PDE7B: variants seen among roughly 807,000 people sequenced by gnomAD.
PDE7B encodes the protein 3',5'-cyclic-AMP phosphodiesterase 7B.
Under a neutral mutation model 56.2 loss-of-function variants are expected in PDE7B, and 29 were observed. The observed-to-expected ratio is 0.52, with a 90% CI of 0.38 to 0.70. PDE7B has a LOEUF of 0.70. Among genes scored for constraint, PDE7B ranks in the 30% least tolerant of loss-of-function variants. The pLI, the probability that PDE7B is intolerant of heterozygous loss-of-function variation, is 0.00. For synonymous variants in PDE7B, 197 were observed against 196.9 expected (o/e 1.00, Z 0.00); for missense variants, 490 against 565.0 (o/e 0.87, Z 1.35).
chr6:136,145,060 C>T (rs1778391712), intron 3 of PDE7B, among the ~76,000 whole-genome samples: 5 of 152,122 alleles, frequency 3.3e-5, no homozygotes, highest in Admixed American at 3.3e-4. Flanking sequence ...TTTTAGTATC[C>T]ATTAATGATT....
At chr6:136,139,121 C>A (rs1333396660) in intron 3 of PDE7B, among the ~76,000 whole-genome samples, 1 of 152,114 alleles carries the variant, frequency 6.6e-6, no homozygotes, top group Non-Finnish European at 1.5e-5. Flanking sequence ...CCTCCCCCTT[C>A]CCCCGACGCC....
intron 2 of PDE7B, among the ~76,000 whole-genome samples, chr6:135,966,452 A>C (rs117268506): frequency 6.6e-6 from 1 of 152,308 alleles, no homozygotes; most frequent in Non-Finnish European, 1.5e-5. Flanking sequence ...ATGCTAGCAG[A>C]GTTAAGCAGG....
chr6:135,985,211 GA>G (rs372456309), intron 2 of PDE7B, among the ~76,000 whole-genome samples: 67 of 152,138 alleles, frequency 4.4e-4, no homozygotes, highest in Admixed American at 8.5e-4. Flanking sequence ...AAATGCCACT[GA>G]GGGAAAAAAA....
chr6:136,020,083 A>G (rs1302657355), intron 2 of PDE7B, among the ~76,000 whole-genome samples: 1 of 152,166 alleles, frequency 6.6e-6, no homozygotes, highest in Non-Finnish European at 1.5e-5. Flanking sequence ...AGGCATAACA[A>G]TATCACTTCA....
At chr6:136,080,961 C>A (rs985921696) in intron 2 of PDE7B, among the ~76,000 whole-genome samples, 1 of 152,198 alleles carries the variant, frequency 6.6e-6, no homozygotes, top group African/African-American at 2.4e-5. Flanking sequence ...AGTCTTGAAA[C>A]ATAGCTCTAA....
At chr6:136,183,072 CA>C (rs869296450) in intron 11 of PDE7B, among the ~76,000 whole-genome samples, 898 of 50,518 alleles carry the variant, frequency 0.018, 3 homozygotes, top group African/African-American at 0.037. Flanking sequence ...ACTCCGTCTC[CA>C]AAAAAAAAAA....
At chr6:136,000,090 G>A (rs1004779095) in intron 2 of PDE7B, among the ~76,000 whole-genome samples, 1 of 152,098 alleles carries the variant, frequency 6.6e-6, no homozygotes, top group African/African-American at 2.4e-5. Context: ...TAATGAAGTT[G>A]TTTGTTGTTG....
chr6:135,934,596 G>C (rs1486640742), intron 1 of PDE7B, among the ~76,000 whole-genome samples: 1 of 149,696 alleles, frequency 6.7e-6, no homozygotes, highest in African/African-American at 2.5e-5. Context: ...TGGGCATGGT[G>C]GTGGGTGCCT....
intron 1 of PDE7B, among the ~76,000 whole-genome samples, chr6:135,929,309 T>C (rs1372850142): frequency 6.6e-6 from 1 of 152,138 alleles, no homozygotes; most frequent in Non-Finnish European, 1.5e-5. Flanking sequence ...GTACGGGACA[T>C]GCAAAATAAA....
intron 2 of PDE7B, among the ~76,000 whole-genome samples, chr6:135,959,231 T>C (rs933535369): frequency 1.3e-5 from 2 of 152,160 alleles, no homozygotes; most frequent in African/African-American, 4.8e-5. Context: ...GGATATAGAA[T>C]TCCATGAAGT....
chr6:135,851,810 G>A lies in PDE7B; in HGVS notation c.-189G>A, dbSNP rs1001158743. 7 of 565,380 alleles carry A rather than the reference G, an allele frequency of 1.2e-5. No individual in the cohort carries two copies. Among genetic ancestry groups the A allele is most frequent in the Admixed American group, 3.1e-5 (1 of 32,348 alleles). 35.0% of individuals were successfully genotyped at this position (565,380 alleles called of 1,614,324 possible). ...TCTCTTTCTACCTTCCTTCTTTCTC[G>A]ATCTCCTTGTGTGCTTTTGTGTTTC... On this transcript the variant is annotated 5_prime_UTR_variant, in exon 1 of 13. Coordinates refer to ENST00000308191, the MANE Select transcript of PDE7B (RefSeq NM_018945.4).
At chr6:136,040,786 C>G (rs979913347) in intron 2 of PDE7B, among the ~76,000 whole-genome samples, 2 of 152,118 alleles carry the variant, frequency 1.3e-5, no homozygotes, top group African/African-American at 4.8e-5. Flanking sequence ...ATCAGGTGAG[C>G]CTTGCTTTAT....
intron 2 of PDE7B, among the ~76,000 whole-genome samples, chr6:136,106,873 T>G (rs1338327754): frequency 2.6e-5 from 4 of 152,202 alleles, no homozygotes; most frequent in Admixed American, 1.3e-4. Context: ...TTTTTAAAGC[T>G]AACAGCTTTA....
chr6:135,877,248 C>CT (rs1318510396), intron 1 of PDE7B, among the ~76,000 whole-genome samples: 1 of 150,956 alleles, frequency 6.6e-6, no homozygotes, highest in African/African-American at 2.4e-5. Flanking sequence ...GATTTCCTTT[C>CT]TTTTTTATTT....
chr6:136,183,082 A>G (rs1404465297), intron 11 of PDE7B, among the ~76,000 whole-genome samples: 1 of 151,872 alleles, frequency 6.6e-6, no homozygotes, highest in Non-Finnish European at 1.5e-5. Flanking sequence ...CAAAAAAAAA[A>G]AAAAAAAAAC....
At chr6:135,926,141 C>T (rs934760479) in intron 1 of PDE7B, among the ~76,000 whole-genome samples, 3 of 133,198 alleles carry the variant, frequency 2.3e-5, no homozygotes, top group Middle Eastern at 4.7e-3. Flanking sequence ...GGCTGCAGTG[C>T]AGTGGCGCAA....
intron 1 of PDE7B, among the ~76,000 whole-genome samples, chr6:135,877,421 G>A (rs1365787721): frequency 6.8e-6 from 1 of 146,982 alleles, no homozygotes; most frequent in African/African-American, 2.5e-5. Context: ...TCAGATTTGG[G>A]CTTTCAATTT....
At chr6:136,008,779 T>A (rs1337828759) in intron 2 of PDE7B, among the ~76,000 whole-genome samples, 30 of 152,132 alleles carry the variant, frequency 2.0e-4, no homozygotes, top group African/African-American at 6.8e-4. Flanking sequence ...TCCCATTCTG[T>A]AGGTTGCCTG....
intron 1 of PDE7B, among the ~76,000 whole-genome samples, chr6:135,862,762 T>C (rs2128184881): frequency 6.6e-6 from 1 of 151,962 alleles, no homozygotes; most frequent in South Asian, 2.1e-4. Context: ...TTGTTGTTGT[T>C]GTTGATTATT....
Sources: allele counts gnomAD v4.1 joint callset (sites outside exome capture counted in the v4.1 genomes callset), GRCh38; gene constraint gnomAD v4.1.1; transcripts MANE v1.5; gene names NCBI Gene and HGNC (gene_info 2026-07-23, HGNC 2026-07-21).